TRPM3: variants seen among roughly 807,000 people sequenced by gnomAD.
TRPM3 encodes the protein long transient receptor potential channel 3.
TRPM3 carries 77 observed loss-of-function variants against 181.2 expected under a neutral mutation model. That is an observed-to-expected ratio of 0.42 (90% CI 0.35 to 0.51). The LOEUF (loss-of-function observed/expected upper bound fraction) is 0.51, where lower values mean the gene tolerates loss of function less well. Among genes scored for constraint, TRPM3 ranks in the 20% least tolerant of loss-of-function variants. The probability of loss-of-function intolerance (pLI) is 0.01; values close to 1 mark genes in which losing one functional copy is unlikely to be tolerated. For missense variants in TRPM3, 1,759 were observed against 2,196.7 expected (o/e 0.80, Z 3.98); for synonymous variants, 745 against 796.4 (o/e 0.94, Z 1.09).
At chr9:71,207,855 T>C (rs2079220239) in intron 1 of TRPM3, among the ~76,000 whole-genome samples, 2 of 152,172 alleles carry the variant, frequency 1.3e-5, no homozygotes, top group Admixed American at 1.3e-4. Context: ...ACTTTTATCC[T>C]TGGCCCCATA....
chr9:71,186,868 A>G (rs1240425984), intron 1 of TRPM3, among the ~76,000 whole-genome samples: 7 of 152,166 alleles, frequency 4.6e-5, no homozygotes, highest in Admixed American at 2.6e-4. Context: ...ATGTCAACTC[A>G]TCTATGAACA....
Position 70,618,852 on chromosome 9 carries a change from A to G in TRPM3, c.2358+15T>C, listed in dbSNP as rs375922868. 1.1e-3 allele frequency: 1,799 copies of G among 1,601,336 alleles called. 30 individuals are homozygous for G. The South Asian group carries it at 0.017, about 15-fold the overall frequency. On this transcript the variant is annotated intron_variant, in intron 17 of 25. Transcript: ENST00000677713. ...CGGTCCTCATAGCCAGGAGGGCCTT[A>G]TTGGGCGCCCTGACCTTGAGGCCTG...
intron 9 of TRPM3, among the ~76,000 whole-genome samples, chr9:70,648,431 A>G (rs1050703529): frequency 7.9e-5 from 12 of 152,176 alleles, no homozygotes; most frequent in Admixed American, 6.6e-4. Context: ...AGCCATGATC[A>G]TGGCAGCCTG....
At chr9:71,423,211 C>T (rs1018556985) in intron 1 of TRPM3, among the ~76,000 whole-genome samples, 5 of 152,000 alleles carry the variant, frequency 3.3e-5, no homozygotes, top group Non-Finnish European at 5.9e-5. Context: ...AGCAGATTTT[C>T]ACTTTTTGAC....
In TRPM3 at chr9:71,121,100, C is replaced by T. The variant is rs545114235; in HGVS notation, c.177+78G>A. ...CATTTAGGCTCCCCCAAAGGTGCGT[C>T]CCAGCCCAAGTCCCCAAGTTGGGTA... On this transcript the variant is annotated intron_variant, in intron 1 of 25. Transcript: ENST00000677713. 43 of 1,466,590 alleles carry T rather than the reference C, an allele frequency of 2.9e-5. No individual in the cohort carries two copies. In the South Asian group the frequency reaches 5.1e-4, roughly 17 times the overall value. The allele number at this position is 1,466,590 out of a possible 1,614,324, so 90.8% of individuals were successfully genotyped here. A position where few individuals can be genotyped will look rare whatever the true frequency, so the allele number is the denominator to read the frequency against.
rs576546235 is a variant in TRPM3 at position 70,640,671 on chromosome 9, A to G, written c.1346-11T>C. Reference sequence around the variant, plus strand: ...CCGAGGCATTGGCTCCTGTGTGAGGACAAGTGGGAGAAAAGAGTGGAAGAG... The same window carrying G: ...CCGAGGCATTGGCTCCTGTGTGAGGGCAAGTGGGAGAAAAGAGTGGAAGAG... On this transcript the variant is annotated splice_polypyrimidine_tract_variant and intron_variant, in intron 9 of 25. Transcript: ENST00000677713. The G allele has an allele frequency of 1.4e-5, 23 of 1,608,874 alleles. No homozygotes were observed. Among genetic ancestry groups the G allele is most frequent in the Non-Finnish European group, 2.0e-5 (23 of 1,176,128 alleles).
chr9:71,133,490 C>T (rs906458771), intron 1 of TRPM3, among the ~76,000 whole-genome samples: 1 of 148,348 alleles, frequency 6.7e-6, no homozygotes, highest in Non-Finnish European at 1.5e-5. Flanking sequence ...GTAGAGATGG[C>T]ATTTCTCCAT....
intron 1 of TRPM3, chr9:71,446,637 TC>T: frequency 2.6e-6 from 4 of 1,547,956 alleles, no homozygotes; most frequent in Non-Finnish European, 3.5e-6. Flanking sequence ...ACTGGGGCTC[TC>T]CCCCGGCCAC....
At position 71,198,011 on chromosome 9, in the gene TRPM3, C is replaced by T. The variant is rs573319750; in HGVS notation, c.183+248642G>A. Among the ~76,000 whole-genome samples, 224 of 151,198 alleles carry T rather than the reference C, an allele frequency of 1.5e-3. 3 individuals are homozygous for T. Among genetic ancestry groups the T allele is most frequent in the African/African-American group, 4.7e-3 (194 of 41,288 alleles). ...AGGGTTTTTATGGTTTTAGGTCTAA[C>T]GTCTAAGTCTTTAATCCATCTTGAA... On this transcript the variant is annotated intron_variant, in intron 1 of 24. Transcript: ENST00000357533.
chr9:70,823,141 C>T (rs946108284), intron 6 of TRPM3, among the ~76,000 whole-genome samples: 30 of 152,150 alleles, frequency 2.0e-4, no homozygotes, highest in East Asian at 1.9e-4. Context: ...CCCGACCCCA[C>T]GCACACACAC....
intron 1 of TRPM3, among the ~76,000 whole-genome samples, chr9:71,087,989 C>T (rs1025032867): frequency 2.0e-5 from 3 of 152,034 alleles, no homozygotes; most frequent in Non-Finnish European, 4.4e-5. Context: ...TTAACCCTTA[C>T]ATTGTTATTT....
chr9:70,750,920 T>C (rs891560886), intron 8 of TRPM3, among the ~76,000 whole-genome samples: 7 of 152,070 alleles, frequency 4.6e-5, no homozygotes, highest in African/African-American at 1.7e-4. Context: ...GAAATAGTTT[T>C]GTGAATAATC....
intron 1 of TRPM3, among the ~76,000 whole-genome samples, chr9:71,169,402 T>C (rs2134782480): frequency 6.6e-6 from 1 of 152,210 alleles, no homozygotes; most frequent in Middle Eastern, 3.4e-3. Flanking sequence ...GGCGAGAGTA[T>C]GTAGGTAAAT....
chr9:70,938,096 G>T (rs1218038299), intron 1 of TRPM3, among the ~76,000 whole-genome samples: 1 of 152,182 alleles, frequency 6.6e-6, no homozygotes, highest in Non-Finnish European at 1.5e-5. Flanking sequence ...ACATGGGTCT[G>T]TATCACTATT....
chr9:70,893,944 G>T (rs1042326281), intron 1 of TRPM3, among the ~76,000 whole-genome samples: 1 of 152,090 alleles, frequency 6.6e-6, no homozygotes, highest in African/African-American at 2.4e-5. Flanking sequence ...TTCTTCTACT[G>T]GAAAATGCCA....
At chr9:71,041,542 T>C (rs916849333) in intron 1 of TRPM3, among the ~76,000 whole-genome samples, 4 of 152,154 alleles carry the variant, frequency 2.6e-5, no homozygotes, top group African/African-American at 9.7e-5. Context: ...CTCCATTTGA[T>C]GGTTTCTTGG....
At chr9:71,435,490 T>C (rs1220183840) in intron 1 of TRPM3, among the ~76,000 whole-genome samples, 8 of 152,224 alleles carry the variant, frequency 5.3e-5, no homozygotes, top group Admixed American at 5.2e-4. Flanking sequence ...GCCAGCACTA[T>C]AAATTCAACA....
chr9:71,080,480 T>C (rs2064131365), intron 1 of TRPM3, among the ~76,000 whole-genome samples: 1 of 152,160 alleles, frequency 6.6e-6, no homozygotes, highest in African/African-American at 2.4e-5. Context: ...AACACTGTAG[T>C]AGCCATATTG....
chr9:70,773,904 G>T (rs1177354815), intron 7 of TRPM3, among the ~76,000 whole-genome samples: 1 of 152,116 alleles, frequency 6.6e-6, no homozygotes, highest in East Asian at 1.9e-4. Context: ...ATGATTGCCT[G>T]GTAGTCTTAT....
Sources: allele counts gnomAD v4.1 joint callset (sites outside exome capture counted in the v4.1 genomes callset), GRCh38; gene constraint gnomAD v4.1.1; transcripts MANE v1.5; gene names NCBI Gene and HGNC (gene_info 2026-07-23, HGNC 2026-07-21).